Variants in COL26A1 observed in about 807,000 individuals in gnomAD.
The protein encoded by COL26A1 is collagen alpha-1(XXVI) chain.
Under a neutral mutation model 59.3 loss-of-function variants are expected in COL26A1, and 41 were observed. That is an observed-to-expected ratio of 0.69 (90% CI 0.54 to 0.90). The LOEUF is 0.90. Among genes scored for constraint, COL26A1 ranks in the 40% least tolerant of loss-of-function variants. The pLI is 0.00. For missense variants in COL26A1, 612 were observed against 602.3 expected (o/e 1.02, Z -0.17); for synonymous variants, 266 against 256.0 (o/e 1.04, Z -0.37).
intron 3 of COL26A1, among the ~76,000 whole-genome samples, chr7:101,509,163 G>T (rs1428511858): frequency 6.6e-6 from 1 of 152,156 alleles, no homozygotes; most frequent in Non-Finnish European, 1.5e-5. Flanking sequence ...ACAACCAGGA[G>T]GCTGGGCATG....
chr7:101,458,333 C>T (rs1293291041), intron 3 of COL26A1, among the ~76,000 whole-genome samples: 1 of 152,136 alleles, frequency 6.6e-6, no homozygotes, highest in Non-Finnish European at 1.5e-5. Flanking sequence ...CTGTATTCCT[C>T]ACCTGTGAAA....
intron 3 of COL26A1, among the ~76,000 whole-genome samples, chr7:101,459,644 A>C (rs912485324): frequency 1.3e-4 from 20 of 152,018 alleles, no homozygotes; most frequent in Admixed American, 4.6e-4. Flanking sequence ...TTAAGGCCCC[A>C]TCTCACATTG....
chr7:101,518,174 C>T (rs1234508393), intron 3 of COL26A1, among the ~76,000 whole-genome samples: 1 of 152,170 alleles, frequency 6.6e-6, no homozygotes, highest in Non-Finnish European at 1.5e-5. Context: ...GGCCAGAGAA[C>T]CTTGCCCGCA....
chr7:101,390,882 A>G (rs555043075), intron 1 of COL26A1, among the ~76,000 whole-genome samples: 1 of 152,126 alleles, frequency 6.6e-6, no homozygotes, highest in Non-Finnish European at 1.5e-5. Flanking sequence ...CTGTGTGGGG[A>G]GGGGGCCTTG....
chr7:101,429,223 C>T (rs1241872597), intron 2 of COL26A1, among the ~76,000 whole-genome samples: 3 of 152,102 alleles, frequency 2.0e-5, no homozygotes, highest in African/African-American at 7.2e-5. Context: ...CATGCCTGGC[C>T]TCTGCTTTTT....
chr7:101,414,360 A>T (rs1349125927), intron 1 of COL26A1, among the ~76,000 whole-genome samples: 1 of 151,626 alleles, frequency 6.6e-6, no homozygotes, highest in African/African-American at 2.4e-5. Flanking sequence ...ATCCCACATT[A>T]AACCATCCTG....
At position 101,387,774 on chromosome 7, in the gene COL26A1, A is replaced by ATTT. The variant is rs1185449488; in HGVS notation, c.158+24585_158+24586insTTT. Among the ~76,000 whole-genome samples the ATTT allele has an allele frequency of 1.9e-3, 91 of 48,862 alleles. 2 individuals carry two copies. Among genetic ancestry groups the ATTT allele is most frequent in the Middle Eastern group, 0.015 (1 of 68 alleles). 32.1% of individuals were successfully genotyped at this position (48,862 alleles called of 152,430 possible). On this transcript the variant is annotated intron_variant, in intron 1 of 12. Transcript: ENST00000313669. ...TATATTTATATATATATATATATAT[A>ATTT]TATATTTTTTTTTAAGACAGAGTCT...
At chr7:101,486,394 G>A (rs1255475729) in intron 3 of COL26A1, among the ~76,000 whole-genome samples, 1 of 152,172 alleles carries the variant, frequency 6.6e-6, no homozygotes, top group Non-Finnish European at 1.5e-5. Context: ...CGGTCTTGGG[G>A]TTCACAGGCC....
chr7:101,421,812 AT>A (rs1302506793), intron 2 of COL26A1, among the ~76,000 whole-genome samples: 1 of 152,136 alleles, frequency 6.6e-6, no homozygotes, highest in African/African-American at 2.4e-5. Flanking sequence ...CTATACGAAC[AT>A]CCTGTTTCTC....
rs548627514 is a variant in COL26A1 at position 101,423,453 on chromosome 7, G to A, written c.281+3354G>A. Among the ~76,000 whole-genome samples the A allele has an allele frequency of 2.6e-4, 39 of 151,884 alleles. 1 individual carries two copies. The Middle Eastern group carries it at 0.014, about 54-fold the overall frequency. ...CAATGTTTCAGAAGTGCTGGGGTCC[G>A]GCCCGGCGTGGTGGCTCACGCCTAT... On this transcript the variant is annotated intron_variant, in intron 2 of 12. Coordinates refer to ENST00000313669, the MANE Select transcript of COL26A1 (RefSeq NM_001278563.3).
In COL26A1 at chr7:101,363,262, T is replaced by C. The variant is rs945962389; in HGVS notation, c.158+72T>C. ...GACAGCGGGGGCCCTGGCCACTGGG[T>C]GGCTGGAGCGAGGCTTGGGGGCTGG... On this transcript the variant is annotated intron_variant, in intron 1 of 12. Coordinates refer to ENST00000313669, the MANE Select transcript of COL26A1 (RefSeq NM_001278563.3). 4.8e-6 allele frequency: 5 copies of C among 1,043,330 alleles called. No homozygotes were observed. In the Admixed American group the frequency reaches 1.3e-4, roughly 26 times the overall value. The allele number at this position is 1,043,330 out of a possible 1,614,324, so 64.6% of individuals were successfully genotyped here. A position where few individuals can be genotyped will look rare whatever the true frequency, so the allele number is the denominator to read the frequency against.
intron 3 of COL26A1, among the ~76,000 whole-genome samples, chr7:101,498,837 G>C (rs1584464564): frequency 6.6e-6 from 1 of 152,218 alleles, no homozygotes; most frequent in East Asian, 1.9e-4. Flanking sequence ...CCCAGGGTTT[G>C]CAAAGGCGAG....
chr7:101,423,453 G>GGCCCGGCGTGGTGGCTCACGC (rs1792571721), intron 2 of COL26A1, among the ~76,000 whole-genome samples: 1 of 151,764 alleles, frequency 6.6e-6, no homozygotes, highest in Non-Finnish European at 1.5e-5. Context: ...GCTGGGGTCC[G>GGCCCGGCGTGGTGGCTCACGC]GCCCGGCGTG....
intron 1 of COL26A1, among the ~76,000 whole-genome samples, chr7:101,386,087 G>T (rs1305972537): frequency 6.6e-6 from 1 of 152,108 alleles, no homozygotes; most frequent in Non-Finnish European, 1.5e-5. Context: ...GTTTCATCAA[G>T]GGTGGGGCTT....
At position 101,434,245 on chromosome 7, in the gene COL26A1, G is replaced by C. The variant is rs868333788; in HGVS notation, c.282-13439G>C. ...CTTTTTCCCTTCCTCCCTCCCTCCT[G>C]TCTCTCTCTTTCTCTTTGTCTTTGT... On this transcript the variant is annotated intron_variant, in intron 2 of 12. Transcript: ENST00000313669. 5.6e-4 allele frequency among the ~76,000 whole-genome samples: 61 copies of C among 109,226 alleles called. No individual in the cohort carries two copies. The South Asian group carries it at 0.014, about 25-fold the overall frequency. 71.7% of individuals were successfully genotyped at this position (109,226 alleles called of 152,430 possible).
intron 3 of COL26A1, among the ~76,000 whole-genome samples, chr7:101,470,326 T>A (rs911677483): frequency 3.9e-5 from 6 of 151,910 alleles, no homozygotes; most frequent in Admixed American, 1.3e-4. Context: ...ACTCCTGACC[T>A]CAGGTGATCC....
chr7:101,547,266 T>A (rs1165892787), intron 8 of COL26A1, 27 bp downstream of exon 8: 1 of 1,502,978 alleles, frequency 6.7e-7, no homozygotes, highest in South Asian at 1.2e-5. Flanking sequence ...CTGGCCTGCA[T>A]TGAGGACTCC....
chr7:101,422,480 T>G (rs1007605882), intron 2 of COL26A1, among the ~76,000 whole-genome samples: 3 of 151,312 alleles, frequency 2.0e-5, no homozygotes, highest in Admixed American at 2.0e-4. Flanking sequence ...AAGACTCTCC[T>G]GCCTTTCTCG....
At chr7:101,387,743 T>C (rs2117045167) in intron 1 of COL26A1, among the ~76,000 whole-genome samples, 1 of 104,012 alleles carries the variant, frequency 9.6e-6, no homozygotes, top group African/African-American at 4.0e-5. Context: ...TAATTATATA[T>C]ATATATATAT....
Sources: gnomAD v4.1 joint callset for allele counts (sites outside exome capture counted in the v4.1 genomes callset) on GRCh38, gnomAD v4.1.1 for gene constraint, MANE v1.5 for transcripts, NCBI Gene and HGNC (gene_info 2026-07-23, HGNC 2026-07-21) for gene names.